The following PIK3C2A variants were observed in gnomAD, a reference collection of about 807,000 sequenced individuals.
PIK3C2A encodes phosphatidylinositol-4-phosphate 3-kinase catalytic subunit type 2 alpha, also known as phosphatidylinositol 4-phosphate 3-kinase C2 domain-containing subunit alpha.
A neutral mutation model predicts 204.5 loss-of-function variants in PIK3C2A; 97 were observed. The ratio of observed to expected loss-of-function variants is 0.47; its 90% CI spans 0.40 to 0.56. PIK3C2A has a LOEUF of 0.56. PIK3C2A is among the 20% of genes least tolerant of loss of function. The probability of loss-of-function intolerance (pLI) is 0.00; values close to 1 mark genes in which losing one functional copy is unlikely to be tolerated. For missense variants in PIK3C2A, 1,735 were observed against 1,969.2 expected (o/e 0.88, Z 2.25); for synonymous variants, 653 against 664.4 (o/e 0.98, Z 0.26).
chr11:17,207,331 G>T (rs766670064), intron 1 of PIK3C2A, among the ~76,000 whole-genome samples: 5 of 152,126 alleles, frequency 3.3e-5, no homozygotes, highest in Non-Finnish European at 7.3e-5. Context: ...GTGGGAGTGG[G>T]GGGTCCGGGA....
At chr11:17,178,191 CA>C (rs1416547257) in intron 1 of PIK3C2A, among the ~76,000 whole-genome samples, 4 of 149,664 alleles carry the variant, frequency 2.7e-5, no homozygotes, top group African/African-American at 9.9e-5. Context: ...TTTAATCTAT[CA>C]AAAATATTGT....
intron 8 of PIK3C2A, among the ~76,000 whole-genome samples, chr11:17,142,611 T>C (rs1565270451): frequency 6.6e-6 from 1 of 152,020 alleles, no homozygotes; most frequent in Non-Finnish European, 1.5e-5. Context: ...GCCCAGGAGT[T>C]CAAGACCAGC....
At chr11:17,136,939 T>C (rs1849892120) in intron 8 of PIK3C2A, among the ~76,000 whole-genome samples, 1 of 152,202 alleles carries the variant, frequency 6.6e-6, no homozygotes, top group African/African-American at 2.4e-5. Context: ...TTTCTTATTC[T>C]CATTTGGAAA....
chr11:17,151,309 T>C (rs917281661), intron 3 of PIK3C2A, among the ~76,000 whole-genome samples: 4 of 152,214 alleles, frequency 2.6e-5, no homozygotes, highest in African/African-American at 9.6e-5. Context: ...ACTGCTGTTA[T>C]CGTAAGACAA....
chr11:17,100,821 G>C (rs916595531), intron 25 of PIK3C2A, among the ~76,000 whole-genome samples: 1 of 152,096 alleles, frequency 6.6e-6, no homozygotes, highest in Non-Finnish European at 1.5e-5. Flanking sequence ...GACAATTGTA[G>C]CCTTCTGTTT....
At chr11:17,149,107 C>T (rs1030569967) in intron 4 of PIK3C2A, among the ~76,000 whole-genome samples, 1 of 152,112 alleles carries the variant, frequency 6.6e-6, no homozygotes, top group African/African-American at 2.4e-5. Context: ...AATATGTACA[C>T]ACTTTTTTTC....
chr11:17,199,903 C>CAAAAAAAAAAAAA (rs35435978), intron 1 of PIK3C2A, among the ~76,000 whole-genome samples: 1 of 106,862 alleles, frequency 9.4e-6, no homozygotes, highest in Admixed American at 9.6e-5. Flanking sequence ...GCCTCCATCT[C>CAAAAAAAAAAAAA]AAAAAAAAAA....
chr11:17,105,139 C>A, intron 23 of PIK3C2A, 30 bp downstream of exon 23: 1 of 1,581,214 alleles, frequency 6.3e-7, no homozygotes, highest in South Asian at 1.1e-5. Flanking sequence ...TTTGACAAAG[C>A]TTTTTAGAAT....
chr11:17,202,329 G>C (rs1355553976), intron 1 of PIK3C2A, among the ~76,000 whole-genome samples: 1 of 151,338 alleles, frequency 6.6e-6, no homozygotes, highest in Non-Finnish European at 1.5e-5. Context: ...GCTTATGCCT[G>C]TAATCTCAGC....
chr11:17,104,454 G>A (rs572083158), intron 23 of PIK3C2A, among the ~76,000 whole-genome samples: 6 of 152,112 alleles, frequency 3.9e-5, no homozygotes, highest in Admixed American at 6.6e-5. Context: ...GGTCAGGTGC[G>A]GTGGCTCACG....
rs1472996528 is a variant in PIK3C2A, at chr11:17,169,286, A to G, written c.456T>C (p.Tyr152=). Residue 152 remains tyrosine (Y), a synonymous_variant, in exon 2 of 33, where the codon TAT becomes TAC. Transcript: ENST00000691414. The part of the protein sequence containing the change: ...WPPGLPGPST[Y]ALPSIYPSTY... ...TAGAAGGATAAATAGAAGGTAAAGC[A>G]TAAGTGGAAGGCCCAGGTAATCCAG... The G allele has an allele frequency of 3.1e-6, 5 of 1,614,218 alleles. No homozygotes were observed. Among genetic ancestry groups the G allele is most frequent in the South Asian group, 2.2e-5 (2 of 91,082 alleles).
intron 1 of PIK3C2A, among the ~76,000 whole-genome samples, chr11:17,174,905 A>AAAAAT (rs902168106): frequency 3.3e-5 from 5 of 151,956 alleles, no homozygotes; most frequent in Non-Finnish European, 5.9e-5. Context: ...TGTCTCAAAA[A>AAAAAT]AAAATAAAAT....
At chr11:17,124,601 C>T (rs1374690028) in intron 13 of PIK3C2A, among the ~76,000 whole-genome samples, 1 of 152,078 alleles carries the variant, frequency 6.6e-6, no homozygotes, top group East Asian at 1.9e-4. Flanking sequence ...TATTTATAGC[C>T]ACATGTAAAC....
intron 1 of PIK3C2A, among the ~76,000 whole-genome samples, chr11:17,194,913 G>C (rs202169519): frequency 7.1e-6 from 1 of 141,806 alleles, no homozygotes; most frequent in Non-Finnish European, 1.6e-5. Flanking sequence ...CCATCTCGAA[G>C]AAAAAAAAAA....
chr11:17,120,291 C>T (rs1849328728), intron 15 of PIK3C2A, among the ~76,000 whole-genome samples: 2 of 151,610 alleles, frequency 1.3e-5, no homozygotes, highest in Admixed American at 6.6e-5. Context: ...AAAGCAGATC[C>T]CACCCTAAGA....
intron 5 of PIK3C2A, among the ~76,000 whole-genome samples, chr11:17,148,016 G>A (rs1380187251): frequency 1.3e-5 from 2 of 152,100 alleles, no homozygotes; most frequent in Non-Finnish European, 1.5e-5. Flanking sequence ...TCGAGAGTTC[G>A]AGACCAGCCT....
intron 3 of PIK3C2A, among the ~76,000 whole-genome samples, chr11:17,154,641 C>T (rs928066468): frequency 6.6e-6 from 1 of 152,084 alleles, no homozygotes; most frequent in Admixed American, 6.6e-5. Context: ...TCCTATCTGG[C>T]TAGCTAAGGG....
At chr11:17,146,674 T>G (rs2137425676) in intron 6 of PIK3C2A, among the ~76,000 whole-genome samples, 1 of 150,524 alleles carries the variant, frequency 6.6e-6, no homozygotes, top group South Asian at 2.1e-4. Context: ...TGAGCTAAGA[T>G]CACATCATTG....
At chr11:17,110,204 T>G (rs1164893253) in intron 22 of PIK3C2A, among the ~76,000 whole-genome samples, 1 of 152,088 alleles carries the variant, frequency 6.6e-6, no homozygotes, top group African/African-American at 2.4e-5. Context: ...CCACCCACCT[T>G]GGCCTCCCAA....
Sources: allele counts gnomAD v4.1 joint callset (sites outside exome capture counted in the v4.1 genomes callset), GRCh38; gene constraint gnomAD v4.1.1; transcripts MANE v1.5; gene names NCBI Gene and HGNC (gene_info 2026-07-23, HGNC 2026-07-21).